Variants in PCBP2 observed in about 807,000 individuals in gnomAD.
PCBP2 encodes the protein poly(rC) binding protein 2.
PCBP2 carries 4 observed loss-of-function variants against 50.1 expected under a neutral mutation model. That is an observed-to-expected ratio of 0.08 (90% CI 0.04 to 0.18). The LOEUF (loss-of-function observed/expected upper bound fraction) is 0.18, where lower values mean the gene tolerates loss of function less well. PCBP2 is among the 10% of genes least tolerant of loss of function. The pLI, the probability that PCBP2 is intolerant of heterozygous loss-of-function variation, is 1.00. For missense variants in PCBP2, 161 were observed against 474.3 expected (o/e 0.34, Z 6.14); for synonymous variants, 179 against 168.0 (o/e 1.07, Z -0.51).
At chr12:53,460,917 A>C (rs1941407587) in intron 6 of PCBP2, 98 bp from the exon 7 acceptor site, 3 of 1,306,402 alleles carry the variant, frequency 2.3e-6, no homozygotes, top group South Asian at 2.6e-5. Flanking sequence ...GAAATGGATA[A>C]ATATCTACTA....
intron 14 of PCBP2, among the ~76,000 whole-genome samples, chr12:53,477,440 T>C (rs950220527): frequency 6.6e-6 from 1 of 151,416 alleles, no homozygotes; most frequent in Non-Finnish European, 1.5e-5. Flanking sequence ...CCGAGGCGGG[T>C]GGATCACGAG....
chr12:53,466,654 G>A (rs1941846008), intron 10 of PCBP2, among the ~76,000 whole-genome samples: 1 of 152,158 alleles, frequency 6.6e-6, no homozygotes, highest in Non-Finnish European at 1.5e-5. Context: ...GGAAGTAGAC[G>A]TGAAGAAGGA....
At chr12:53,452,741 A>T (rs1160357620) in intron 1 of PCBP2, 1 of 151,736 alleles carries the variant, frequency 6.6e-6, no homozygotes, top group Non-Finnish European at 1.5e-5. Flanking sequence ...CGCGGGGGTC[A>T]GGCGCTGGCG....
chr12:53,467,931 A>G (rs1941930416), intron 12 of PCBP2, 88 bp downstream of exon 12: 1 of 1,013,472 alleles, frequency 9.9e-7, no homozygotes, highest in African/African-American at 1.6e-5. Flanking sequence ...CATGAACCAT[A>G]CCAGCAACAT....
At chr12:53,458,006 G>A (rs763499485) in intron 5 of PCBP2, among the ~76,000 whole-genome samples, 6 of 152,226 alleles carry the variant, frequency 3.9e-5, no homozygotes, top group South Asian at 2.1e-4. Context: ...CCGGCTCACC[G>A]TAACCTCTGA....
intron 14 of PCBP2, chr12:53,476,128 T>A (rs567747271): frequency 6.6e-6 from 1 of 152,340 alleles, no homozygotes; most frequent in South Asian, 2.1e-4. Context: ...CGTGACATTA[T>A]CCACAACTTG....
intron 14 of PCBP2, among the ~76,000 whole-genome samples, chr12:53,473,026 A>G (rs2137109984): frequency 6.6e-6 from 1 of 152,176 alleles, no homozygotes. Flanking sequence ...GCTCGTCTCC[A>G]ACTCCTGACC....
At chr12:53,469,805 A>G (rs1404021161) in intron 13 of PCBP2, among the ~76,000 whole-genome samples, 3 of 117,274 alleles carry the variant, frequency 2.6e-5, no homozygotes, top group African/African-American at 1.0e-4. Context: ...TCTGTTTCCC[A>G]GGCTTGGCTC....
chr12:53,467,680 GTTTTTT>G (rs969164675), intron 11 of PCBP2, 119 bp from the exon 12 acceptor site: 2 of 810,430 alleles, frequency 2.5e-6, no homozygotes, highest in African/African-American at 1.7e-5. Flanking sequence ...ATTGTGTAGT[GTTTTTT>G]TTGTTTTTGT....
chr12:53,464,223 T>A (rs1941654845), intron 8 of PCBP2, among the ~76,000 whole-genome samples: 2 of 151,970 alleles, frequency 1.3e-5, no homozygotes, highest in African/African-American at 4.8e-5. Context: ...GTGGCAGCAA[T>A]CCTCTGTACT....
In PCBP2 at chr12:53,454,839, T is replaced by C. The variant is rs760550133; in HGVS notation, c.39T>C (p.Thr13=). The C allele has an allele frequency of 1.2e-6, 2 of 1,614,128 alleles. No homozygotes were observed. The highest frequency in any genetic ancestry group is 3.3e-4 in the Middle Eastern group (2 of 6,062). ...TGATTGAAGGTGGATTAAATGTCAC[T>C]CTCACCATCCGGCTACTTATGCATG... ...TGVIEGGLNV[T]LTIRLLMHGK... is the part of the protein sequence containing the mutation. The change falls in exon 2 of 15, where the codon ACT becomes ACC. Residue 13 remains threonine, a synonymous_variant. Coordinates refer to ENST00000546463, the MANE Select transcript of PCBP2 (RefSeq NM_031989.5).
At chr12:53,471,616 T>A in intron 13 of PCBP2, 22 bp from the exon 14 acceptor site, 2 of 1,599,198 alleles carry the variant, frequency 1.3e-6, no homozygotes, top group Non-Finnish European at 1.7e-6. Context: ...TCGGTGTGCC[T>A]TGTTTTTCTT....
In PCBP2 at chr12:53,467,992, C is replaced by T. The variant is rs3741655; in HGVS notation, c.826+149C>T. 1,133 of 662,152 alleles carry T rather than the reference C, an allele frequency of 1.7e-3. 13 individuals carry two copies. In the East Asian group the frequency reaches 0.029, roughly 17 times the overall value. The allele number at this position is 662,152 out of a possible 1,614,324, so 41.0% of individuals were successfully genotyped here. ...AGCAAAGGGGTGGGCCTGGAGCCCC[C>T]GAGGGTCCCTTGATGGATCTGGCCA... On this transcript the variant is annotated intron_variant, in intron 12 of 14. Coordinates refer to ENST00000546463, the MANE Select transcript of PCBP2 (RefSeq NM_031989.5).
rs201091181 is a variant in PCBP2 at position 53,455,435 on chromosome 12, G to C, written c.94-26G>C. ...ATTCTGGATTGAAGTAGCAGTTGGA[G>C]CTCATGCTTGACTTTTCCTTTACAG... is the stretch of plus-strand genomic sequence containing the variant. On this transcript the variant is annotated intron_variant, in intron 3 of 14. Coordinates refer to ENST00000546463, the MANE Select transcript of PCBP2 (RefSeq NM_031989.5). 251 of 1,614,044 alleles carry C rather than the reference G, an allele frequency of 1.6e-4. 2 individuals carry two copies. In the East Asian group the frequency reaches 5.3e-3, roughly 34 times the overall value.
intron 14 of PCBP2, among the ~76,000 whole-genome samples, chr12:53,472,674 A>G (rs1438187170): frequency 1.3e-5 from 2 of 152,216 alleles, no homozygotes; most frequent in East Asian, 1.9e-4. Context: ...AAAGTTTTAC[A>G]TGAGTTCCTG....
chr12:53,476,360 C>T (rs1942581305), intron 14 of PCBP2, among the ~76,000 whole-genome samples: 1 of 152,156 alleles, frequency 6.6e-6, no homozygotes, highest in Non-Finnish European at 1.5e-5. Flanking sequence ...AATTTAAATT[C>T]ATAGGTTATG....
intron 10 of PCBP2, 143 bp downstream of exon 10, chr12:53,466,116 AT>A (rs1474839508): frequency 5.4e-6 from 4 of 737,050 alleles, no homozygotes; most frequent in Non-Finnish European, 7.3e-6. Context: ...GGTCAATCCC[AT>A]ATTTTAGCCC....
At chr12:53,473,464 G>A (rs946290334) in intron 14 of PCBP2, among the ~76,000 whole-genome samples, 1 of 152,142 alleles carries the variant, frequency 6.6e-6, no homozygotes, top group Non-Finnish European at 1.5e-5. Flanking sequence ...TTTGAAAGCT[G>A]GAATTTGTTT....
intron 14 of PCBP2, 112 bp from the exon 15 acceptor site, chr12:53,479,294 C>G: frequency 2.2e-6 from 2 of 897,796 alleles, no homozygotes; most frequent in Non-Finnish European, 3.7e-6. Flanking sequence ...TAAAATGTCT[C>G]CCTTGGTACT....
Sources: gnomAD v4.1 joint callset for allele counts (sites outside exome capture counted in the v4.1 genomes callset) on GRCh38, gnomAD v4.1.1 for gene constraint, MANE v1.5 for transcripts, NCBI Gene and HGNC (gene_info 2026-07-23, HGNC 2026-07-21) for gene names.